ZNF638: variants seen among roughly 807,000 people sequenced by gnomAD.
ZNF638 encodes the protein zinc finger protein 638.
In ZNF638, 46 loss-of-function variants were observed where a neutral mutation model predicts 195.6. The ratio of observed to expected loss-of-function variants is 0.24; its 90% confidence interval spans 0.19 to 0.30. The LOEUF is 0.30. Among genes scored for constraint, ZNF638 ranks in the 10% least tolerant of loss-of-function variants. The pLI, the probability that ZNF638 is intolerant of heterozygous loss-of-function variation, is 1.00. For missense variants in ZNF638, 2,440 were observed against 2,325.3 expected, an observed-to-expected ratio of 1.05 and a Z score of -1.01; for synonymous variants, 845 against 772.0, an observed-to-expected ratio of 1.09 and a Z score of -1.57.
intron 19 of ZNF638, among the ~76,000 whole-genome samples, chr2:71,406,483 T>A (rs1013830803): frequency 3.9e-5 from 6 of 152,146 alleles, no homozygotes; most frequent in Non-Finnish European, 5.9e-5. Context: ...AAAATAAGAC[T>A]TACGCAAGGG....
At chr2:71,345,705 A>T (rs368650365) in intron 1 of ZNF638, among the ~76,000 whole-genome samples, 3 of 151,996 alleles carry the variant, frequency 2.0e-5, no homozygotes, top group Non-Finnish European at 4.4e-5. Flanking sequence ...GGATTTTGTC[A>T]TGTTGCCCAG....
chr2:71,375,343 A>G (rs956436297), intron 8 of ZNF638: 3 of 152,246 alleles, frequency 2.0e-5, no homozygotes, highest in East Asian at 1.9e-4. Flanking sequence ...TGCTCGTGCA[A>G]CAGCTCCATA....
In ZNF638 at chr2:71,399,609, A is replaced by G. The variant is rs1271909393; in HGVS notation, c.2551A>G (p.Lys851Glu). The G allele has an allele frequency of 6.2e-7, 1 of 1,612,650 alleles. No individual in the cohort carries two copies. The highest frequency in any genetic ancestry group is 2.2e-5 in the East Asian group (1 of 44,788). Reference protein sequence around the residue: ...SLEAKKTGNVKNKDSNKPVTI... With the variant: ...SLEAKKTGNVENKDSNKPVTI... Reference sequence around the variant, plus strand: ...AGAAGCCAAAAAGACTGGGAATGTCAAAAACAAAGACTCTAACAAACCTGT... The same window carrying G: ...AGAAGCCAAAAAGACTGGGAATGTCGAAAACAAAGACTCTAACAAACCTGT... Residue 851 changes from lysine to glutamate, a missense_variant, in exon 13 of 28, where the codon AAA becomes GAA. Physicochemically the swap from Lys to Glu is moderately conservative, Grantham distance 56 (BLOSUM62 1). Transcript: ENST00000264447.
chr2:71,348,998 A>C lies in ZNF638; in HGVS notation c.44A>C (p.Gln15Pro). The change falls in exon 2 of 28, where the codon CAA (glutamine) becomes CCA (proline). Residue 15 changes from glutamine (Q) to proline (P), a missense_variant. Coordinates refer to ENST00000264447, the MANE Select transcript of ZNF638 (RefSeq NM_014497.5). ...RFNPRGDFPL[Q>P]RPRAPNPSGM... ...AATCCTCGAGGAGACTTTCCACTTC[A>C]AAGGCCACGAGCACCTAACCCTTCT... 6.2e-7 allele frequency: 1 copy of C among 1,614,118 alleles called. No individual in the cohort carries two copies. Among genetic ancestry groups the C allele is most frequent in the South Asian group, 1.1e-5 (1 of 91,070 alleles).
At position 71,349,282 on chromosome 2, in the gene ZNF638, A is replaced by G. The variant is rs12612365; in HGVS notation, c.328A>G (p.Ile110Val). The G allele has an allele frequency of 6.9e-4, 1,108 of 1,614,212 alleles. 10 individuals are homozygous for G. In the East Asian group the frequency reaches 0.014, roughly 20 times the overall value. The change falls in exon 2 of 28, where the codon ATA becomes GTA. Residue 110 changes from isoleucine (I) to valine (V), a missense_variant. By Grantham distance (29) the Ile-to-Val change is conservative (BLOSUM62 3). This residue lies in a region of ZNF638 where 191 missense variants were observed against 173.8 expected (regional missense o/e 1.10). Transcript: ENST00000264447. ...HGSRWDDEPHISASVAVKQSS... is the reference protein window; with the variant it reads ...HGSRWDDEPHVSASVAVKQSS... ...TAGCCGGTGGGATGATGAGCCTCATATATCTGCATCAGTGGCAGTGAAACA... is the reference window on the plus strand; with the variant it reads ...TAGCCGGTGGGATGATGAGCCTCATGTATCTGCATCAGTGGCAGTGAAACA...
At chr2:71,362,523 T>C (rs994043222) in intron 3 of ZNF638, among the ~76,000 whole-genome samples, 1 of 152,216 alleles carries the variant, frequency 6.6e-6, no homozygotes, top group Non-Finnish European at 1.5e-5. Context: ...AGACAGCCTG[T>C]CCAAGTTTCC....
At chr2:71,416,703 A>G (rs2080299673) in intron 20 of ZNF638, among the ~76,000 whole-genome samples, 1 of 90,320 alleles carries the variant, frequency 1.1e-5, no homozygotes, top group Non-Finnish European at 2.1e-5. Flanking sequence ...AACAGACAGG[A>G]CCCTCAGCTG....
At chr2:71,399,375 C>G (rs2079960123) in intron 12 of ZNF638, among the ~76,000 whole-genome samples, 184 bp from the exon 13 acceptor site, 1 of 152,026 alleles carries the variant, frequency 6.6e-6, no homozygotes, top group African/African-American at 2.4e-5. Context: ...AAAGTTGTAT[C>G]TTGATTTAAA....
In ZNF638 at chr2:71,332,308, GC is replaced by G. The variant is rs147682395; in HGVS notation, c.-203+434del. The stretch of plus-strand genomic sequence containing the variant: ...TGAGGGAATGCCGAGCAGGGAGGAA[GC>G]GTTCCCGTCGGGCCCGAAGAGGCGG... On this transcript the variant is annotated intron_variant, in intron 1 of 27. Coordinates refer to ENST00000264447, the MANE Select transcript of ZNF638 (RefSeq NM_014497.5). Among the ~76,000 whole-genome samples, 587 of 152,380 alleles carry G rather than the reference GC, an allele frequency of 3.9e-3. 3 individuals are homozygous for G. The highest frequency in any genetic ancestry group is 0.013 in the African/African-American group (560 of 41,592).
In ZNF638 at chr2:71,389,716, CTTTATAAATG is replaced by C. The variant is rs562600009; in HGVS notation, c.2378-6422_2378-6413del. Among the ~76,000 whole-genome samples the C allele has an allele frequency of 1.1e-3, 170 of 152,304 alleles. 1 individual carries two copies. Among genetic ancestry groups the C allele is most frequent in the Non-Finnish European group, 1.8e-3 (122 of 68,030 alleles). Reference sequence around the variant, plus strand: ...CCGAAAGCGGAAGTTCAACAAGGATCTTTATAAATGTTCGACAAGGGCCTCAGGAGCCATT... The same window carrying C: ...CCGAAAGCGGAAGTTCAACAAGGATCTTCGACAAGGGCCTCAGGAGCCATT... On this transcript the variant is annotated intron_variant, in intron 10 of 27. Transcript: ENST00000264447.
intron 1 of ZNF638, among the ~76,000 whole-genome samples, chr2:71,336,943 A>C (rs2078680930): frequency 6.6e-6 from 1 of 152,202 alleles, no homozygotes; most frequent in Non-Finnish European, 1.5e-5. Context: ...CCCTCCTAGC[A>C]GGGTGGGTAT....
rs186929908 is a variant in ZNF638 at position 71,333,273 on chromosome 2, C to T, written c.-203+1398C>T. On this transcript the variant is annotated intron_variant, in intron 1 of 27. Transcript: ENST00000264447. ...TACTTCTAAATAATTACAGGGCGTC[C>T]CAGCATGTTATACATTAAAATATGC... Among the ~76,000 whole-genome samples the T allele has an allele frequency of 2.9e-3, 437 of 152,128 alleles. 2 individuals are homozygous for T. Among genetic ancestry groups the T allele is most frequent in the African/African-American group, 0.01 (427 of 41,484 alleles).
intron 7 of ZNF638, among the ~76,000 whole-genome samples, chr2:71,369,585 C>G (rs780740719): frequency 1.1e-4 from 17 of 152,176 alleles, no homozygotes; most frequent in African/African-American, 7.2e-5. Context: ...CATATCTTCC[C>G]TTCCCTCCTG....
intron 10 of ZNF638, among the ~76,000 whole-genome samples, chr2:71,393,873 T>A (rs376819324): frequency 4.6e-5 from 7 of 152,276 alleles, no homozygotes; most frequent in African/African-American, 1.7e-4. Flanking sequence ...AGGTGCCAGG[T>A]AACACTACAT....
At chr2:71,408,345 A>T (rs1269327899) in intron 20 of ZNF638, 98 bp downstream of exon 20, 46 of 1,366,022 alleles carry the variant, frequency 3.4e-5, no homozygotes, top group Non-Finnish European at 4.1e-5. Flanking sequence ...GTGTTTAGAG[A>T]TGATTTTTAT....
Position 71,364,122 on chromosome 2 carries a change from C to A in ZNF638, c.1587C>A (p.Phe529Leu), listed in dbSNP as rs201676031. Residue 529 changes from phenylalanine (F) to leucine (L), a missense_variant, in exon 5 of 28, where the codon TTC (phenylalanine) becomes TTA (leucine). This residue lies in a region of ZNF638 where 1,883 missense variants were observed against 1,739.1 expected (regional missense o/e 1.08). Transcript: ENST00000264447. The part of the protein sequence containing the change: ...RSRSPRICHR[F>L]ISRYRSRSRS... ...GAAGTCCAAGAATTTGCCATCGTTT[C>A]ATTTCTAGATACAGATCCAGATCCA... is the stretch of plus-strand genomic sequence containing the variant. 6.2e-7 allele frequency: 1 copy of A among 1,614,146 alleles called. No individual in the cohort carries two copies. The highest frequency in any genetic ancestry group is 8.5e-7 in the Non-Finnish European group (1 of 1,180,030).
At chr2:71,342,237 A>AAAAG (rs2078774324) in intron 1 of ZNF638, among the ~76,000 whole-genome samples, 1 of 150,680 alleles carries the variant, frequency 6.6e-6, no homozygotes, top group Non-Finnish European at 1.5e-5. Flanking sequence ...AAAAAAAAAA[A>AAAAG]GTCATACTAA....
chr2:71,393,661 C>CGTAGGAT, intron 10 of ZNF638: 1 of 716,434 alleles, frequency 1.4e-6, no homozygotes, highest in South Asian at 1.5e-5. Context: ...TTACAACTCA[C>CGTAGGAT]GTAGGATCCT....
At position 71,364,144 on chromosome 2, in the gene ZNF638, T is replaced by G; in HGVS notation, c.1609T>G (p.Ser537Ala). The change falls in exon 5 of 28, where the codon TCC becomes GCC. Residue 537 changes from serine to alanine, a missense_variant. Coordinates refer to ENST00000264447, the MANE Select transcript of ZNF638 (RefSeq NM_014497.5). Reference sequence around the variant, plus strand: ...TTTCATTTCTAGATACAGATCCAGATCCAGATCCCGTTCACCATATCGAAT... The same window carrying G: ...TTTCATTTCTAGATACAGATCCAGAGCCAGATCCCGTTCACCATATCGAAT... Reference protein sequence around the residue: ...HRFISRYRSRSRSRSPYRIRN... With the variant: ...HRFISRYRSRARSRSPYRIRN... 1 of 1,614,156 alleles carries G rather than the reference T, an allele frequency of 6.2e-7. No homozygotes were observed. Among genetic ancestry groups the G allele is most frequent in the Non-Finnish European group, 8.5e-7 (1 of 1,180,034 alleles).
Sources: gnomAD v4.1 joint callset for allele counts (sites outside exome capture counted in the v4.1 genomes callset) on GRCh38, gnomAD v4.1.1 for gene constraint, gnomAD v4.1.1 regional missense constraint, MANE v1.5 for transcripts, NCBI Gene and HGNC (gene_info 2026-07-23, HGNC 2026-07-21) for gene names.